Variants in GTF2I observed in about 807,000 individuals in gnomAD.
GTF2I encodes the protein general transcription factor IIi.
Under a neutral mutation model 67.6 loss-of-function variants are expected in GTF2I, and 12 were observed. The observed-to-expected ratio is 0.18, with a 90% CI of 0.11 to 0.29. GTF2I has a LOEUF of 0.29. GTF2I is among the 10% of genes least tolerant of loss of function. The pLI, the probability that GTF2I is intolerant of heterozygous loss-of-function variation, is 1.00. For missense variants in GTF2I, 271 were observed against 580.1 expected, an observed-to-expected ratio of 0.47 and a Z score of 5.47; for synonymous variants, 149 against 197.0, an observed-to-expected ratio of 0.76 and a Z score of 2.04.
At chr7:74,731,859 G>A (rs1554406751) in intron 14 of GTF2I, among the ~76,000 whole-genome samples, 2 of 151,112 alleles carry the variant, frequency 1.3e-5, no homozygotes, top group Non-Finnish European at 2.9e-5. Flanking sequence ...GTTTTCTATT[G>A]GTTCATTATG....
chr7:74,704,750 A>G (rs1194355619), intron 6 of GTF2I, among the ~76,000 whole-genome samples: 1 of 149,780 alleles, frequency 6.7e-6, no homozygotes, highest in Non-Finnish European at 1.5e-5. Flanking sequence ...GCTACTCAGG[A>G]GGCTGAGGTA....
chr7:74,705,913 C>T (rs1554401240), intron 7 of GTF2I, among the ~76,000 whole-genome samples: 1 of 151,406 alleles, frequency 6.6e-6, no homozygotes, highest in African/African-American at 2.4e-5. Flanking sequence ...ACTTTTTTCC[C>T]CAAAAGATAG....
At chr7:74,724,217 T>C (rs1793468149) in intron 12 of GTF2I, among the ~76,000 whole-genome samples, 1 of 152,234 alleles carries the variant, frequency 6.6e-6, no homozygotes, top group African/African-American at 2.4e-5. Context: ...GTGGTATCCA[T>C]GGGTGAAAGA....
intron 1 of GTF2I, among the ~76,000 whole-genome samples, chr7:74,667,085 C>A (rs1411887881): frequency 6.6e-6 from 1 of 152,148 alleles, no homozygotes; most frequent in African/African-American, 2.4e-5. Context: ...GCGGAGGTTG[C>A]AGTGAGCCAA....
intron 1 of GTF2I, among the ~76,000 whole-genome samples, chr7:74,672,971 C>G (rs1043462122): frequency 3.3e-5 from 5 of 152,116 alleles, no homozygotes; most frequent in African/African-American, 1.2e-4. Context: ...AGCGATTCTC[C>G]TGCCTCAGCC....
intron 12 of GTF2I, chr7:74,722,685 C>T (rs1189710102): frequency 1.3e-5 from 2 of 152,072 alleles, no homozygotes; most frequent in South Asian, 4.1e-4. Context: ...TTTTTTATTT[C>T]TCATATTTTG....
intron 11 of GTF2I, among the ~76,000 whole-genome samples, chr7:74,718,101 C>T (rs1554403957): frequency 1.3e-5 from 2 of 152,204 alleles, no homozygotes; most frequent in East Asian, 1.9e-4. Flanking sequence ...CGCCTTGCAG[C>T]CCCGCCGGCA....
intron 9 of GTF2I, 51 bp from the exon 10 acceptor site, chr7:74,714,806 A>AT (rs781895514): frequency 2.9e-3 from 3,631 of 1,251,018 alleles, no homozygotes; most frequent in Non-Finnish European, 3.2e-3. Context: ...GTCACCCCAC[A>AT]TTTTTTTTTG....
intron 15 of GTF2I, 138 bp downstream of exon 15, chr7:74,732,800 T>G (rs1794608292): frequency 1.2e-6 from 1 of 839,510 alleles, no homozygotes; most frequent in Admixed American, 3.7e-5. Flanking sequence ...ATCTTGCACT[T>G]TTTAATTTAT....
chr7:74,717,798 TC>T (rs1336232893), intron 11 of GTF2I, among the ~76,000 whole-genome samples: 5 of 152,224 alleles, frequency 3.3e-5, no homozygotes, highest in African/African-American at 1.2e-4. Context: ...TCTTAAAAGT[TC>T]CCCAGTATAG....
rs1403935518 is a variant in GTF2I at position 74,706,499 on chromosome 7, T to C, written c.685+66T>C. On this transcript the variant is annotated intron_variant, in intron 8 of 34. Transcript: ENST00000573035. ...AAGACTTTTCCTTAGTGTAGAAGTT[T>C]ATAGTTTGACTCAATTATTGTTTTG... The C allele has an allele frequency of 9.9e-6, 12 of 1,206,516 alleles. No homozygotes were observed. The African/African-American group carries it at 1.5e-4, about 15-fold the overall frequency. The allele number at this position is 1,206,516 out of a possible 1,614,324, so 74.7% of individuals were successfully genotyped here.
chr7:74,707,279 T>C (rs1248326879), intron 8 of GTF2I, among the ~76,000 whole-genome samples: 2 of 152,250 alleles, frequency 1.3e-5, no homozygotes, highest in African/African-American at 4.8e-5. Context: ...TGCTCGGCCC[T>C]GTGCCCCTTA....
At chr7:74,672,433 C>G (rs985312344) in intron 1 of GTF2I, among the ~76,000 whole-genome samples, 1 of 151,868 alleles carries the variant, frequency 6.6e-6, no homozygotes. Context: ...CCCAGCTACT[C>G]GGGAGCTGAG....
At chr7:74,663,994 T>C (rs1307593066) in intron 1 of GTF2I, among the ~76,000 whole-genome samples, 1 of 151,934 alleles carries the variant, frequency 6.6e-6, no homozygotes, top group Non-Finnish European at 1.5e-5. Flanking sequence ...CATGCCCGGC[T>C]AATTTTGTAT....
chr7:74,658,730 C>A (rs1554384961), intron 1 of GTF2I, among the ~76,000 whole-genome samples: 3 of 151,450 alleles, frequency 2.0e-5, no homozygotes, highest in African/African-American at 7.3e-5. Context: ...TGTCCCGGGC[C>A]GGCCCGGCGC....
chr7:74,664,272 C>T (rs587634583), intron 1 of GTF2I, among the ~76,000 whole-genome samples: 2 of 152,230 alleles, frequency 1.3e-5, no homozygotes, highest in South Asian at 2.1e-4. Context: ...TTTGTTTTCT[C>T]CTCTGTAAAA....
rs963964489 is a variant in GTF2I at position 74,683,248 on chromosome 7, A to C, written c.-5-5876A>C. Among the ~76,000 whole-genome samples, 5 of 152,246 alleles carry C rather than the reference A, an allele frequency of 3.3e-5. No individual in the cohort carries two copies. The East Asian group carries it at 9.6e-4, about 29-fold the overall frequency. On this transcript the variant is annotated intron_variant, in intron 1 of 34. Transcript: ENST00000573035. ...ACATCTTAGACAAAGAAAACCTCTT[A>C]AAAACAGCAGGAGTAGGAATGGGAA...
At chr7:74,721,555 G>A (rs782291327) in intron 12 of GTF2I, among the ~76,000 whole-genome samples, 2 of 151,672 alleles carry the variant, frequency 1.3e-5, no homozygotes, top group Non-Finnish European at 2.9e-5. Context: ...TAAAAAATAT[G>A]TATATTATAT....
At chr7:74,690,949 T>C (rs967881386) in intron 2 of GTF2I, 24 bp from the exon 3 acceptor site, 14 of 1,598,832 alleles carry the variant, frequency 8.8e-6, no homozygotes, top group Non-Finnish European at 1.2e-5. Context: ...GCCTGTAACA[T>C]GATGTTTGCT....
Sources: gnomAD v4.1 joint callset for allele counts (sites outside exome capture counted in the v4.1 genomes callset) on GRCh38, gnomAD v4.1.1 for gene constraint, MANE v1.5 for transcripts, NCBI Gene and HGNC (gene_info 2026-07-23, HGNC 2026-07-21) for gene names.